The following SLC18A2 variants were observed in gnomAD, a reference collection of about 807,000 sequenced individuals.
The protein encoded by SLC18A2 is solute carrier family 18 member A2.
A neutral mutation model predicts 59.2 loss-of-function variants in SLC18A2; 33 were observed. The ratio of observed to expected loss-of-function variants is 0.56; its 90% CI spans 0.42 to 0.75. The LOEUF (loss-of-function observed/expected upper bound fraction) is 0.75, where lower values mean the gene tolerates loss of function less well. SLC18A2 is among the 30% of genes least tolerant of loss of function. The pLI is 0.00. For synonymous variants in SLC18A2, 228 were observed against 253.5 expected (o/e 0.90, Z 0.95); for missense variants, 569 against 668.6 (o/e 0.85, Z 1.64).
intron 9 of SLC18A2, among the ~76,000 whole-genome samples, chr10:117,256,572 C>T (rs1844233756): frequency 6.6e-6 from 1 of 152,186 alleles, no homozygotes; most frequent in Admixed American, 6.5e-5. Flanking sequence ...CTTTGTCAAC[C>T]CTCAGGCTGG....
intron 3 of SLC18A2, among the ~76,000 whole-genome samples, chr10:117,248,457 G>A (rs1249062672): frequency 6.6e-6 from 1 of 152,196 alleles, no homozygotes; most frequent in East Asian, 1.9e-4. Flanking sequence ...GGTGTGTGTA[G>A]TGATGACCTG....
chr10:117,263,413 C>T (rs1338088773), intron 10 of SLC18A2, among the ~76,000 whole-genome samples: 2 of 152,210 alleles, frequency 1.3e-5, no homozygotes, highest in Non-Finnish European at 2.9e-5. Context: ...TGGAGAAAGA[C>T]TATGATATTT....
In SLC18A2 at chr10:117,277,645, A is replaced by G. The variant is rs920390809; in HGVS notation, c.*379A>G. The G allele has an allele frequency of 1.9e-5, 3 of 154,028 alleles. No individual in the cohort carries two copies. Among genetic ancestry groups the G allele is most frequent in the African/African-American group, 7.2e-5 (3 of 41,496 alleles). The allele number at this position is 154,028 out of a possible 1,614,324, so 9.5% of individuals were successfully genotyped here. ...ATATTGGTAATGAGTGTTTAAAATT[A>G]AAGCACACATTATCTCTGAGACTCT... On this transcript the variant is annotated 3_prime_UTR_variant, in exon 16 of 16. Transcript: ENST00000644641.
intron 5 of SLC18A2, 38 bp from the exon 6 acceptor site, chr10:117,254,367 C>T: frequency 1.3e-6 from 2 of 1,512,090 alleles, no homozygotes; most frequent in Non-Finnish European, 1.8e-6. Flanking sequence ...TTGCTGTTCC[C>T]CGGAGCTGGC....
chr10:117,278,643 T>C lies in SLC18A2; in HGVS notation c.*1377T>C. The C allele has an allele frequency of 7.1e-6, 1 of 140,500 alleles. No individual in the cohort carries two copies. The highest frequency in any genetic ancestry group is 2.7e-5 in the African/African-American group (1 of 37,534). 8.7% of individuals were successfully genotyped at this position (140,500 alleles called of 1,614,324 possible). A position where few individuals can be genotyped will look rare whatever the true frequency, so the allele number is the denominator to read the frequency against. ...TTACTTAGTTTCGTTAAGCTAAGATTGTGTTTGTGTTAACTTCGACATCAA... is the reference window on the plus strand; with the variant it reads ...TTACTTAGTTTCGTTAAGCTAAGATCGTGTTTGTGTTAACTTCGACATCAA... On this transcript the variant is annotated 3_prime_UTR_variant, in exon 16 of 16. Transcript: ENST00000644641.
intron 3 of SLC18A2, among the ~76,000 whole-genome samples, chr10:117,250,727 C>T (rs1372786304): frequency 1.3e-5 from 2 of 152,170 alleles, no homozygotes; most frequent in Non-Finnish European, 2.9e-5. Context: ...CAGTGTTGAT[C>T]CTCTGAAAAA....
At chr10:117,250,282 C>T (rs775858147) in intron 3 of SLC18A2, among the ~76,000 whole-genome samples, 2 of 152,074 alleles carry the variant, frequency 1.3e-5, no homozygotes, top group East Asian at 1.9e-4. Flanking sequence ...CAGGTGTGTC[C>T]GGTACTGAGG....
chr10:117,266,574 G>C (rs1009398790), intron 10 of SLC18A2, among the ~76,000 whole-genome samples, 159 bp from the exon 11 acceptor site: 8 of 152,248 alleles, frequency 5.3e-5, no homozygotes, highest in Non-Finnish European at 1.2e-4. Flanking sequence ...CGTGGGTCCA[G>C]ACCGGATCCG....
At position 117,255,272 on chromosome 10, in the gene SLC18A2, T is replaced by A; in HGVS notation, c.701-5T>A. ...GGGTGGTGTCCCCACTTTCTCTCCCTGCAGTGGGCCCCCCCTTCGGGAGTG... is the reference window on the plus strand; with the variant it reads ...GGGTGGTGTCCCCACTTTCTCTCCCAGCAGTGGGCCCCCCCTTCGGGAGTG... On this transcript the variant is annotated splice_polypyrimidine_tract_variant and splice_region_variant and intron_variant, in intron 6 of 15. Transcript: ENST00000644641. The A allele has an allele frequency of 6.2e-7, 1 of 1,614,066 alleles. No homozygotes were observed. The highest frequency in any genetic ancestry group is 1.1e-5 in the South Asian group (1 of 91,086).
In SLC18A2 at chr10:117,244,294, A is replaced by G; in HGVS notation, c.445A>G (p.Ile149Val). Reference protein sequence around the residue: ...ATVQLITNPFIGLLTNRIGYP... With the variant: ...ATVQLITNPFVGLLTNRIGYP... Reference sequence around the variant, plus strand: ...CGTCCAGCTCATCACCAACCCTTTCATAGGACTACTGACCAACAGGTAGGG... The same window carrying G: ...CGTCCAGCTCATCACCAACCCTTTCGTAGGACTACTGACCAACAGGTAGGG... Residue 149 changes from isoleucine (I) to valine (V), a missense_variant, in exon 3 of 16, where the codon ATA becomes GTA. Ile to Val is a conservative substitution (Grantham distance 29, BLOSUM62 3). This residue lies in a region of SLC18A2 where 377 missense variants were observed against 389.8 expected (regional missense o/e 0.97). Transcript: ENST00000644641. 1 of 1,614,004 alleles carries G rather than the reference A, an allele frequency of 6.2e-7. No homozygotes were observed. The highest frequency in any genetic ancestry group is 8.5e-7 in the Non-Finnish European group (1 of 1,179,914).
At chr10:117,260,197 A>G (rs1844279471) in intron 10 of SLC18A2, among the ~76,000 whole-genome samples, 1 of 152,154 alleles carries the variant, frequency 6.6e-6, no homozygotes, top group Non-Finnish European at 1.5e-5. Flanking sequence ...CATTCTGGTT[A>G]ATTTCTGTGG....
chr10:117,271,438 A>T (rs1844424848), intron 15 of SLC18A2, among the ~76,000 whole-genome samples: 1 of 152,238 alleles, frequency 6.6e-6, no homozygotes, highest in African/African-American at 2.4e-5. Flanking sequence ...AAACCTTAAA[A>T]TAAGGTTATG....
chr10:117,244,008 TG>T lies in SLC18A2; in HGVS notation c.160del (p.Glu54ArgfsTer43). ...CAAGTTATCTGTACAGCATTAAGCA[TG>T]AGAAGAATGCTACAGAAATCCAGAC... ...IPSYLYSIKH[E>X]KNATEIQTAR... On this transcript the variant is annotated frameshift_variant, in exon 3 of 16. Coordinates refer to ENST00000644641, the MANE Select transcript of SLC18A2 (RefSeq NM_003054.6). LOFTEE classifies it high-confidence loss of function. 6.2e-7 allele frequency: 1 copy of T among 1,614,108 alleles called. No homozygotes were observed. The highest frequency in any genetic ancestry group is 8.5e-7 in the Non-Finnish European group (1 of 1,180,018).
At chr10:117,258,722 C>G (rs1844257792) in intron 10 of SLC18A2, among the ~76,000 whole-genome samples, 2 of 151,424 alleles carry the variant, frequency 1.3e-5, no homozygotes, top group African/African-American at 2.4e-5. Flanking sequence ...CTTTCTTCTG[C>G]TGATACCCTT....
At position 117,270,236 on chromosome 10, in the gene SLC18A2, A is replaced by G. The variant is rs764883734; in HGVS notation, c.1306+46A>G. The stretch of plus-strand genomic sequence containing the variant: ...TAAGAACCTTTTACCTCAATACGTA[A>G]TGGATAACGTCTACTAAAATTGTTT... On this transcript the variant is annotated intron_variant, in intron 14 of 15. Coordinates refer to ENST00000644641, the MANE Select transcript of SLC18A2 (RefSeq NM_003054.6). 23 of 1,613,494 alleles carry G rather than the reference A, an allele frequency of 1.4e-5. No homozygotes were observed. The South Asian group carries it at 2.5e-4, about 18-fold the overall frequency.
rs754115179 is a variant in SLC18A2 at position 117,254,398 on chromosome 10, T to C, written c.608-7T>C. 37 of 1,568,700 alleles carry C rather than the reference T, an allele frequency of 2.4e-5. No individual in the cohort carries two copies. Among genetic ancestry groups the C allele is most frequent in the Non-Finnish European group, 3.0e-5 (35 of 1,156,538 alleles). On this transcript the variant is annotated splice_region_variant and splice_polypyrimidine_tract_variant and intron_variant, in intron 5 of 15. Coordinates refer to ENST00000644641, the MANE Select transcript of SLC18A2 (RefSeq NM_003054.6). Reference sequence around the variant, plus strand: ...CTGGCCTGTTGACTATTTCTTTCCCTGTGTAGGGATGGGCATGCTTGCCAG... The same window carrying C: ...CTGGCCTGTTGACTATTTCTTTCCCCGTGTAGGGATGGGCATGCTTGCCAG...
intron 3 of SLC18A2, among the ~76,000 whole-genome samples, chr10:117,250,590 A>G: frequency 6.6e-6 from 1 of 152,162 alleles, no homozygotes; most frequent in East Asian, 1.9e-4. Context: ...GAAACTGTGC[A>G]CTCTCCATCC....
Position 117,279,426 on chromosome 10 carries a change from C to T in SLC18A2, c.*2160C>T, listed in dbSNP as rs909328483. 1.3e-5 allele frequency: 2 copies of T among 152,146 alleles called. No individual in the cohort carries two copies. The highest frequency in any genetic ancestry group is 2.9e-5 in the Non-Finnish European group (2 of 68,034). 9.4% of individuals were successfully genotyped at this position (152,146 alleles called of 1,614,324 possible). ...AAGTTTACTTAATAAATCTTCTGAACCATGTTTTGTGCCTGTTTGTATTCC... is the reference window on the plus strand; with the variant it reads ...AAGTTTACTTAATAAATCTTCTGAATCATGTTTTGTGCCTGTTTGTATTCC... On this transcript the variant is annotated 3_prime_UTR_variant, in exon 16 of 16. Coordinates refer to ENST00000644641, the MANE Select transcript of SLC18A2 (RefSeq NM_003054.6).
At chr10:117,267,789 G>GAAGAACCCTTCCTA in intron 13 of SLC18A2, 53 bp downstream of exon 13, 1 of 1,398,458 alleles carries the variant, frequency 7.2e-7, no homozygotes, top group Non-Finnish European at 1.0e-6. Flanking sequence ...CCACTAGGAA[G>GAAGAACCCTTCCTA]GGTTCTTCTT....
Sources: allele counts gnomAD v4.1 joint callset (sites outside exome capture counted in the v4.1 genomes callset), GRCh38; gene constraint gnomAD v4.1.1; regional missense constraint gnomAD v4.1.1; transcripts MANE v1.5; gene names NCBI Gene and HGNC (gene_info 2026-07-23, HGNC 2026-07-21).